The following HOOK3 variants were observed in gnomAD, a reference collection of about 807,000 sequenced individuals.
HOOK3 encodes the protein hook microtubule tethering protein 3.
A neutral mutation model predicts 116.3 loss-of-function variants in HOOK3; 24 were observed. That is an observed-to-expected ratio of 0.21 (90% confidence interval 0.15 to 0.29). HOOK3 has a LOEUF of 0.29. HOOK3 is among the 10% of genes least tolerant of loss of function. HOOK3 has a pLI of 1.00. For missense variants in HOOK3, 632 were observed against 830.2 expected (o/e 0.76, Z 2.93); for synonymous variants, 275 against 283.0 (o/e 0.97, Z 0.28).
At chr8:42,957,578 T>C (rs1215565892) in intron 7 of HOOK3, among the ~76,000 whole-genome samples, 1 of 152,278 alleles carries the variant, frequency 6.6e-6, no homozygotes, top group Middle Eastern at 3.4e-3. Flanking sequence ...GTCATTTTCT[T>C]GGAAAATGAC....
chr8:42,968,737 T>C (rs538956878), intron 11 of HOOK3, among the ~76,000 whole-genome samples: 1 of 152,214 alleles, frequency 6.6e-6, no homozygotes, highest in African/African-American at 2.4e-5. Context: ...TAGTTAGTTA[T>C]TTATTAGGTA....
chr8:43,005,469 G>A (rs1809466925), intron 17 of HOOK3, among the ~76,000 whole-genome samples: 1 of 151,668 alleles, frequency 6.6e-6, no homozygotes, highest in African/African-American at 2.4e-5. Flanking sequence ...TGATCCGCCT[G>A]CCTCGGCCTT....
At chr8:43,018,327 A>G in intron 21 of HOOK3, 31 bp from the exon 22 acceptor site, 2 of 1,545,368 alleles carry the variant, frequency 1.3e-6, no homozygotes, top group Non-Finnish European at 1.7e-6. Context: ...CTATTTTTTC[A>G]TTGATTCCTT....
intron 6 of HOOK3, among the ~76,000 whole-genome samples, chr8:42,951,314 A>T (rs368878107): frequency 1.4e-5 from 2 of 146,860 alleles, no homozygotes; most frequent in East Asian, 4.2e-4. Context: ...CGCCCTCCCC[A>T]GCCTCCCAAA....
At chr8:42,950,494 AAAG>A (rs771795813) in intron 6 of HOOK3, 39 bp downstream of exon 6, 1 of 1,373,578 alleles carries the variant, frequency 7.3e-7, no homozygotes, top group Non-Finnish European at 1.0e-6. Context: ...ATGAAAAATT[AAAG>A]GAGTAAACAT....
At chr8:42,999,401 A>G (rs1018020416) in intron 16 of HOOK3, among the ~76,000 whole-genome samples, 3 of 152,240 alleles carry the variant, frequency 2.0e-5, no homozygotes, top group Non-Finnish European at 4.4e-5. Context: ...TTCTATATGT[A>G]GAAAAGATTC....
At chr8:42,910,226 G>A (rs1012580488) in intron 2 of HOOK3, among the ~76,000 whole-genome samples, 5 of 148,322 alleles carry the variant, frequency 3.4e-5, no homozygotes, top group Admixed American at 1.3e-4. Context: ...TTTTTTTCAT[G>A]AATTGAAGTA....
rs575900918 is a variant in HOOK3, at chr8:42,935,218, C to T, written c.267+5046C>T. ...TCGAGAAGTGTCTGTTCATACCCTT[C>T]GCCCACTTTTTGATGGGGTTGTTTT... On this transcript the variant is annotated intron_variant, in intron 4 of 21. Coordinates refer to ENST00000307602, the MANE Select transcript of HOOK3 (RefSeq NM_032410.4). Among the ~76,000 whole-genome samples the T allele has an allele frequency of 2.1e-3, 317 of 152,014 alleles. 1 individual carries two copies. Among genetic ancestry groups the T allele is most frequent in the African/African-American group, 5.1e-3 (210 of 41,374 alleles).
chr8:42,916,680 T>G (rs553284758), intron 2 of HOOK3, among the ~76,000 whole-genome samples: 1 of 152,324 alleles, frequency 6.6e-6, no homozygotes, highest in East Asian at 1.9e-4. Flanking sequence ...TCCACACCTG[T>G]AGCTTAAAGG....
intron 4 of HOOK3, among the ~76,000 whole-genome samples, chr8:42,939,645 A>C (rs1271978837): frequency 6.9e-6 from 1 of 143,998 alleles, no homozygotes; most frequent in Non-Finnish European, 1.5e-5. Flanking sequence ...TCCCTCCCGG[A>C]CGGGGTGGCT....
Position 42,897,179 on chromosome 8 carries a change from C to A in HOOK3, c.48C>A (p.Leu16=). ...SLERAELCES[L]LTWIQTFNVD... ...AGCGGGCGGAGCTGTGCGAGAGCCTCCTCACTTGGGTACGTGGGGGCCGCG... is the reference window on the plus strand; with the variant it reads ...AGCGGGCGGAGCTGTGCGAGAGCCTACTCACTTGGGTACGTGGGGGCCGCG... The change falls in exon 1 of 22, where the codon CTC becomes CTA. Residue 16 remains leucine, a synonymous_variant. Transcript: ENST00000307602. 8.0e-7 allele frequency: 1 copy of A among 1,247,898 alleles called. No individual in the cohort carries two copies. The allele number at this position is 1,247,898 out of a possible 1,614,324, so 77.3% of individuals were successfully genotyped here. A position where few individuals can be genotyped will look rare whatever the true frequency, so the allele number is the denominator to read the frequency against.
Position 42,896,999 on chromosome 8 carries a change from C to G in HOOK3, c.-133C>G. 1.8e-6 allele frequency: 1 copy of G among 552,420 alleles called. No homozygotes were observed. Among genetic ancestry groups the G allele is most frequent in the East Asian group, 3.5e-5 (1 of 28,540 alleles). The allele number at this position is 552,420 out of a possible 1,614,324, so 34.2% of individuals were successfully genotyped here. ...GTGCGGAGCCGCTGCCAGCGCTGGGCGAGAGTCGGCGGCCGGATCCGAGGA... is the reference window on the plus strand; with the variant it reads ...GTGCGGAGCCGCTGCCAGCGCTGGGGGAGAGTCGGCGGCCGGATCCGAGGA... On this transcript the variant is annotated 5_prime_UTR_variant, in exon 1 of 22. Transcript: ENST00000307602.
In HOOK3 at chr8:43,007,891, C is replaced by G; in HGVS notation, c.1700C>G (p.Ala567Gly). 6.3e-7 allele frequency: 1 copy of G among 1,598,472 alleles called. No individual in the cohort carries two copies. Among genetic ancestry groups the G allele is most frequent in the Non-Finnish European group, 8.5e-7 (1 of 1,170,000 alleles). The change falls in exon 18 of 22, where the codon GCC becomes GGC. Residue 567 changes from alanine to glycine, a missense_variant. By Grantham distance (60) the Ala-to-Gly change is moderately conservative. This residue lies in a region of HOOK3 where 483 missense variants were observed against 648.1 expected (regional missense o/e 0.75). Transcript: ENST00000307602. Reference sequence around the variant, plus strand: ...AATAATGAACTACAGAAGAAGAGAGCCATTATTGAAGATCTCGAGCCAAGA... The same window carrying G: ...AATAATGAACTACAGAAGAAGAGAGGCATTATTGAAGATCTCGAGCCAAGA... ...EANNELQKKR[A>G]IIEDLEPRFN... is the part of the protein sequence containing the mutation.
chr8:42,940,933 T>G (rs955955892), intron 4 of HOOK3, among the ~76,000 whole-genome samples: 1 of 151,978 alleles, frequency 6.6e-6, no homozygotes, highest in African/African-American at 2.4e-5. Context: ...TTTATTTATT[T>G]ATTTATTTAT....
intron 15 of HOOK3, among the ~76,000 whole-genome samples, chr8:42,994,236 A>G (rs1245125049): frequency 3.3e-5 from 5 of 152,038 alleles, no homozygotes; most frequent in East Asian, 1.9e-4. Flanking sequence ...GGCTTGTCTC[A>G]AACTCCTAAC....
In HOOK3 at chr8:43,018,477, G is replaced by A. The variant is rs746427093; in HGVS notation, c.2136G>A (p.Val712=). 36 of 1,612,484 alleles carry A rather than the reference G, an allele frequency of 2.2e-5. No individual in the cohort carries two copies. The highest frequency in any genetic ancestry group is 3.1e-5 in the Non-Finnish European group (36 of 1,179,554). ...GCAGAAGATCATACCCAGGCCACGT[G>A]CAGCCGGCCACAGCAAGGTAGAGAA... is the stretch of plus-strand genomic sequence containing the variant. ...TSSRRSYPGH[V]QPATAR is the part of the protein sequence containing the mutation. The change falls in exon 22 of 22, where the codon GTG becomes GTA. Residue 712 remains valine (V), a synonymous_variant. Coordinates refer to ENST00000307602, the MANE Select transcript of HOOK3 (RefSeq NM_032410.4).
chr8:43,013,284 ATT>A (rs1211237218), intron 20 of HOOK3, 43 bp from the exon 21 acceptor site: 1 of 1,466,240 alleles, frequency 6.8e-7, no homozygotes, highest in Non-Finnish European at 9.2e-7. Context: ...ATATTGAGTT[ATT>A]TTATATCTTT....
At chr8:42,949,914 T>TAA (rs780185216) in intron 5 of HOOK3, among the ~76,000 whole-genome samples, 3 of 123,104 alleles carry the variant, frequency 2.4e-5, no homozygotes, top group African/African-American at 3.0e-5. Context: ...AGACTCTGTC[T>TAA]AAAAAAAAAA....
rs1809582220 is a variant in HOOK3, at chr8:43,010,374, G to A, written c.1808G>A (p.Arg603Gln). 3 of 1,475,332 alleles carry A rather than the reference G, an allele frequency of 2.0e-6. No individual in the cohort carries two copies. The highest frequency in any genetic ancestry group is 2.7e-6 in the Non-Finnish European group (3 of 1,108,034). The allele number at this position is 1,475,332 out of a possible 1,614,324, so 91.4% of individuals were successfully genotyped here. A position where few individuals can be genotyped will look rare whatever the true frequency, so the allele number is the denominator to read the frequency against. The change falls in exon 19 of 22, where the codon CGA (arginine) becomes CAA (glutamine). Residue 603 changes from arginine (R) to glutamine (Q), a missense_variant. This residue lies in a region of HOOK3 where 483 missense variants were observed against 648.1 expected (regional missense o/e 0.75). Coordinates refer to ENST00000307602, the MANE Select transcript of HOOK3 (RefSeq NM_032410.4). ...KEEEMKQMEE[R>Q]YKKYLEKAKS... ...GAAGAAATGAAGCAAATGGAAGAAC[G>A]ATACAAAAAATACTTAGAGAAAGCC... is the stretch of plus-strand genomic sequence containing the variant.
Sources: allele counts gnomAD v4.1 joint callset (sites outside exome capture counted in the v4.1 genomes callset), GRCh38; gene constraint gnomAD v4.1.1; regional missense constraint gnomAD v4.1.1; transcripts MANE v1.5; gene names NCBI Gene and HGNC (gene_info 2026-07-23, HGNC 2026-07-21).